The following C12orf42 variants were observed in gnomAD, a reference collection of about 807,000 sequenced individuals.
C12orf42 encodes uncharacterized protein C12orf42.
A neutral mutation model predicts 21.6 loss-of-function variants in C12orf42; 25 were observed. The ratio of observed to expected loss-of-function variants is 1.16; its 90% CI spans 0.84 to 1.62. The LOEUF (loss-of-function observed/expected upper bound fraction) is 1.62. Among genes scored for constraint, C12orf42 ranks in the 40% most tolerant of loss-of-function variants. C12orf42 has a pLI of 0.00. For synonymous variants in C12orf42, 174 were observed against 175.0 expected, an observed-to-expected ratio of 0.99 and a Z score of 0.05; for missense variants, 483 against 459.3, an observed-to-expected ratio of 1.05 and a Z score of -0.47.
chr12:103,377,886 C>G (rs1170700983), intron 3 of C12orf42, among the ~76,000 whole-genome samples: 1 of 152,212 alleles, frequency 6.6e-6, no homozygotes, highest in East Asian at 1.9e-4. Context: ...TTTTAACCAA[C>G]TTCACAGCTT....
In C12orf42 at chr12:103,475,700, G is replaced by A. The variant is rs949132239; in HGVS notation, c.78+2649C>T. On this transcript the variant is annotated intron_variant, in intron 2 of 5. Coordinates refer to ENST00000548883, the MANE Select transcript of C12orf42 (RefSeq NM_198521.5). ...TGGTTTGGTACACAAGTTGAGTCCC[G>A]GGCTAACAAAGTATTTTTTGAACTG... Among the ~76,000 whole-genome samples the A allele has an allele frequency of 2.6e-5, 4 of 152,250 alleles. No individual in the cohort carries two copies. In the East Asian group the frequency reaches 5.8e-4, roughly 22 times the overall value.
At chr12:103,097,967 G>A in the C12orf42 span, among the ~76,000 whole-genome samples, 1 of 152,146 alleles carries the variant, frequency 6.6e-6, no homozygotes, top group Non-Finnish European at 1.5e-5. Flanking sequence ...GTTCAAGGTG[G>A]TCATACAGGT....
intron 10 of C12orf42, among the ~76,000 whole-genome samples, chr12:103,244,794 C>G (rs976859249): frequency 6.6e-6 from 1 of 151,908 alleles, no homozygotes; most frequent in African/African-American, 2.4e-5. Flanking sequence ...CATTAATGTT[C>G]TCTCCACTTC....
chr12:103,211,706 A>G, the C12orf42 span, among the ~76,000 whole-genome samples: 1 of 152,212 alleles, frequency 6.6e-6, no homozygotes, highest in Non-Finnish European at 1.5e-5. Flanking sequence ...TAAATCATTC[A>G]GAACAACCAG....
At chr12:103,494,556 T>TA (rs375814177) in intron 1 of C12orf42, among the ~76,000 whole-genome samples, 3,166 of 148,220 alleles carry the variant, frequency 0.021, 44 homozygotes, top group Non-Finnish European at 0.027. Context: ...ATGTGGCAGA[T>TA]AAAAAAAAAA....
chr12:103,519,691 C>T, the C12orf42 span, among the ~76,000 whole-genome samples: 866 of 152,222 alleles, frequency 5.7e-3, 4 homozygotes, highest in African/African-American at 0.02. Flanking sequence ...GCTGCCTATC[C>T]ATGTCATTTT....
the C12orf42 span, among the ~76,000 whole-genome samples, chr12:103,067,674 C>G: frequency 6.6e-6 from 1 of 152,160 alleles, no homozygotes; most frequent in East Asian, 1.9e-4. Context: ...AGTTCCTGTT[C>G]CCTCAGCATT....
Position 103,338,999 on chromosome 12 carries a change from A to G in C12orf42, c.259+29888T>C, listed in dbSNP as rs143044323. On this transcript the variant is annotated intron_variant, in intron 4 of 5. Transcript: ENST00000548883. ...ACATTTTTATAAAAAAGCAGCCTGGAATATTCATTCACATTAACATAAATA... is the reference window on the plus strand; with the variant it reads ...ACATTTTTATAAAAAAGCAGCCTGGGATATTCATTCACATTAACATAAATA... 2.7e-3 allele frequency among the ~76,000 whole-genome samples: 408 copies of G among 152,330 alleles called. 3 individuals are homozygous for G. The highest frequency in any genetic ancestry group is 9.1e-3 in the African/African-American group (379 of 41,574).
chr12:103,201,453 G>T, the C12orf42 span, among the ~76,000 whole-genome samples: 4 of 151,982 alleles, frequency 2.6e-5, no homozygotes, highest in Non-Finnish European at 5.9e-5. Context: ...ATCAAGAAAT[G>T]GTTCATTGTT....
chr12:103,462,331 G>A (rs986933329), intron 2 of C12orf42, among the ~76,000 whole-genome samples: 20 of 151,362 alleles, frequency 1.3e-4, no homozygotes, highest in African/African-American at 3.4e-4. Flanking sequence ...GGCTGGTCTC[G>A]AACCCCTGAC....
intron 10 of C12orf42, among the ~76,000 whole-genome samples, chr12:103,253,794 G>T (rs1163556983): frequency 6.6e-6 from 1 of 150,770 alleles, no homozygotes; most frequent in Non-Finnish European, 1.5e-5. Context: ...ACTCCTTAAG[G>T]TGATAAACAA....
At chr12:103,525,347 TAAAG>T in the C12orf42 span, among the ~76,000 whole-genome samples, 870 of 151,392 alleles carry the variant, frequency 5.7e-3, 5 homozygotes, top group African/African-American at 0.02. Context: ...TCTGGAATCT[TAAAG>T]AAGCTGAGTG....
intron 2 of C12orf42, among the ~76,000 whole-genome samples, chr12:103,464,699 GTTTTAC>G (rs1311860509): frequency 1.3e-5 from 2 of 152,102 alleles, no homozygotes; most frequent in African/African-American, 2.4e-5. Context: ...ATAGTTTTGG[GTTTTAC>G]TTTTAAGTCT....
At chr12:103,128,110 A>G in the C12orf42 span, among the ~76,000 whole-genome samples, 4 of 152,228 alleles carry the variant, frequency 2.6e-5, no homozygotes, top group Admixed American at 1.3e-4. Flanking sequence ...CTGTGTATTC[A>G]TCTCAACTCT....
At chr12:103,399,448 A>C (rs901758556) in intron 3 of C12orf42, among the ~76,000 whole-genome samples, 5 of 151,128 alleles carry the variant, frequency 3.3e-5, no homozygotes, top group African/African-American at 1.2e-4. Context: ...GGCTCACTGC[A>C]ACCTCCACCT....
At chr12:103,368,102 TG>T (rs1378959104) in intron 4 of C12orf42, 3 of 1,274,732 alleles carry the variant, frequency 2.4e-6, no homozygotes, top group Admixed American at 4.6e-5. Context: ...GTCAGTGAAA[TG>T]GTCCTAAAAA....
At chr12:103,422,158 T>C (rs1284979456) in intron 2 of C12orf42, among the ~76,000 whole-genome samples, 2 of 152,198 alleles carry the variant, frequency 1.3e-5, no homozygotes, top group Non-Finnish European at 2.9e-5. Context: ...TATTCAAATC[T>C]CTTTAAATTC....
chr12:103,546,228 T>A, the C12orf42 span, among the ~76,000 whole-genome samples: 2 of 152,224 alleles, frequency 1.3e-5, no homozygotes, highest in African/African-American at 4.8e-5. Flanking sequence ...GATTCAATAC[T>A]AACTTCTTTA....
chr12:103,389,236 C>A (rs955015309), intron 3 of C12orf42, among the ~76,000 whole-genome samples: 1 of 152,120 alleles, frequency 6.6e-6, no homozygotes. Context: ...TAAGCATCCC[C>A]CCTACTCAGC....
Sources: allele counts gnomAD v4.1 joint callset (sites outside exome capture counted in the v4.1 genomes callset), GRCh38; gene constraint gnomAD v4.1.1; transcripts MANE v1.5; gene names NCBI Gene and HGNC (gene_info 2026-07-23, HGNC 2026-07-21).